The following PXT1 variants were observed in gnomAD, a reference collection of about 807,000 sequenced individuals.
PXT1 encodes peroxisomal testis-specific protein 1.
PXT1 carries 11 observed loss-of-function variants against 11.0 expected under a neutral mutation model. The ratio of observed to expected loss-of-function variants is 1.00; its 90% confidence interval spans 0.63 to 1.66. The LOEUF (loss-of-function observed/expected upper bound fraction) is 1.66, where lower values mean the gene tolerates loss of function less well. PXT1 is among the 40% of genes most tolerant of loss of function. The probability of loss-of-function intolerance (pLI) is 0.00; values close to 1 mark genes in which losing one functional copy is unlikely to be tolerated. For missense variants in PXT1, 141 were observed against 155.5 expected (o/e 0.91, Z 0.49); for synonymous variants, 43 against 51.4 (o/e 0.84, Z 0.70).
intron 2 of PXT1, among the ~76,000 whole-genome samples, chr6:36,430,156 G>A (rs1018607503): frequency 2.0e-5 from 3 of 151,690 alleles, no homozygotes; most frequent in African/African-American, 4.8e-5. Context: ...GCAGTGGGGT[G>A]AGATCGCACC....
intron 2 of PXT1, among the ~76,000 whole-genome samples, chr6:36,436,113 C>CAAAAAAAAAAAAAAAAAAAAAAAAAAGA (rs11294829): frequency 1.7e-5 from 1 of 60,094 alleles, no homozygotes; most frequent in African/African-American, 6.2e-5. Context: ...AAAAGTAAGC[C>CAAAAAAAAAAAAAAAAAAAAAAAAAAGA]AAAAAAAAAA....
chr6:36,408,735 A>G (rs1366029440), intron 3 of PXT1, among the ~76,000 whole-genome samples: 1 of 150,622 alleles, frequency 6.6e-6, no homozygotes, highest in Non-Finnish European at 1.5e-5. Context: ...AATTGTTTTA[A>G]TTAGCTGGGC....
intron 4 of PXT1, among the ~76,000 whole-genome samples, chr6:36,398,519 G>A (rs533718857): frequency 5.3e-5 from 8 of 152,216 alleles, no homozygotes; most frequent in East Asian, 1.9e-4. Flanking sequence ...GTGGTATATC[G>A]TACAATAGAA....
At chr6:36,406,013 C>T (rs566232516) in intron 3 of PXT1, among the ~76,000 whole-genome samples, 3 of 152,278 alleles carry the variant, frequency 2.0e-5, no homozygotes, top group Admixed American at 2.0e-4. Context: ...TTCTCAGAAC[C>T]TGTCCCCATC....
At chr6:36,420,293 AAC>A (rs1238123241) in intron 3 of PXT1, among the ~76,000 whole-genome samples, 2 of 152,362 alleles carry the variant, frequency 1.3e-5, no homozygotes, top group East Asian at 3.9e-4. Flanking sequence ...GTCAGTAGGG[AAC>A]AGTTTAAATA....
intron 3 of PXT1, 109 bp downstream of exon 3, chr6:36,425,805 A>AAACAAACAAAAAAAAATATAT (rs1554154141): frequency 3.1e-6 from 1 of 321,510 alleles, no homozygotes; most frequent in African/African-American, 2.3e-5. Context: ...AAAAACAAAA[A>AAACAAACAAAAAAAAATATAT]ATATATATAT....
chr6:36,394,186 C>T lies in PXT1; in HGVS notation c.301-2312G>A, dbSNP rs187569162. ...AAAGTATAGAACACTGAGTCAGATG[C>T]TCATATATTTAAATTCTAGTTTTGC... On this transcript the variant is annotated intron_variant, in intron 4 of 4. Coordinates refer to ENST00000454782, the MANE Select transcript of PXT1 (RefSeq NM_152990.4). Among the ~76,000 whole-genome samples the T allele has an allele frequency of 2.7e-3, 406 of 152,232 alleles. 2 individuals carry two copies. Among genetic ancestry groups the T allele is most frequent in the Admixed American group, 0.025 (379 of 15,288 alleles).
chr6:36,430,804 T>A (rs1028477042), intron 2 of PXT1, among the ~76,000 whole-genome samples: 6 of 152,202 alleles, frequency 3.9e-5, no homozygotes, highest in African/African-American at 7.2e-5. Flanking sequence ...AATTTTTTTT[T>A]AATTTTTTGA....
intron 3 of PXT1, among the ~76,000 whole-genome samples, chr6:36,405,377 GT>G (rs34977971): frequency 0.26 from 38,280 of 146,384 alleles, 4,813 homozygotes; most frequent in East Asian, 0.4. Context: ...AAGAAAAACT[GT>G]TTTTTTTTTT....
At chr6:36,429,507 T>TC (rs2127417478) in intron 2 of PXT1, among the ~76,000 whole-genome samples, 1 of 111,888 alleles carries the variant, frequency 8.9e-6, no homozygotes, top group East Asian at 3.0e-4. Flanking sequence ...TTTTTTCTTT[T>TC]CTTTTTTTTT....
intron 2 of PXT1, among the ~76,000 whole-genome samples, chr6:36,429,651 G>A (rs1038834565): frequency 1.3e-5 from 2 of 150,388 alleles, no homozygotes; most frequent in Non-Finnish European, 3.0e-5. Flanking sequence ...GATTACAGGT[G>A]CACACCACCA....
Position 36,398,823 on chromosome 6 carries a change from TG to T in PXT1, c.300+1630del, listed in dbSNP as rs1291880175. 4.5e-3 allele frequency among the ~76,000 whole-genome samples: 688 copies of T among 152,278 alleles called. 4 individuals carry two copies. Among genetic ancestry groups the T allele is most frequent in the African/African-American group, 0.015 (632 of 41,564 alleles). On this transcript the variant is annotated intron_variant, in intron 4 of 4. Coordinates refer to ENST00000454782, the MANE Select transcript of PXT1 (RefSeq NM_152990.4). The stretch of plus-strand genomic sequence containing the variant: ...ATCACCTTCCCAGAGATGCCTTCCC[TG>T]ACAGCCCATTGGAAGTCACTCTCCA...
intron 2 of PXT1, among the ~76,000 whole-genome samples, chr6:36,435,859 C>T (rs532059636): frequency 1.3e-5 from 2 of 152,136 alleles, no homozygotes; most frequent in South Asian, 2.1e-4. Context: ...CACTAACAAA[C>T]AAGTAAGACT....
intron 3 of PXT1, among the ~76,000 whole-genome samples, chr6:36,424,580 A>G (rs1774575472): frequency 6.6e-6 from 1 of 152,220 alleles, no homozygotes; most frequent in Non-Finnish European, 1.5e-5. Context: ...GCGGAGCTAC[A>G]GTGAGCCGAG....
intron 2 of PXT1, among the ~76,000 whole-genome samples, chr6:36,430,863 G>A (rs1443262392): frequency 1.3e-5 from 2 of 152,044 alleles, no homozygotes; most frequent in African/African-American, 4.8e-5. Flanking sequence ...GGCCCAAGCT[G>A]GAGTGCAGTG....
chr6:36,419,374 A>C (rs985704130), intron 3 of PXT1, among the ~76,000 whole-genome samples: 4 of 152,226 alleles, frequency 2.6e-5, no homozygotes, highest in African/African-American at 9.6e-5. Context: ...AAGTTGGGTA[A>C]GTTTCAATAA....
At chr6:36,436,862 A>G (rs1774770888) in intron 2 of PXT1, among the ~76,000 whole-genome samples, 1 of 152,228 alleles carries the variant, frequency 6.6e-6, no homozygotes, top group South Asian at 2.1e-4. Context: ...GCAAGGTTAC[A>G]ACAGTGAACA....
intron 3 of PXT1, among the ~76,000 whole-genome samples, chr6:36,421,943 T>G (rs763876522): frequency 2.0e-5 from 3 of 152,230 alleles, no homozygotes; most frequent in Non-Finnish European, 2.9e-5. Context: ...AGATGCCTTT[T>G]TTGAGTCTTC....
chr6:36,402,358 G>C (rs1293181580), intron 3 of PXT1, among the ~76,000 whole-genome samples: 1 of 152,154 alleles, frequency 6.6e-6, no homozygotes, highest in African/African-American at 2.4e-5. Flanking sequence ...GGCTAACATA[G>C]ACATAAGTAT....
Sources: gnomAD v4.1 joint callset for allele counts (sites outside exome capture counted in the v4.1 genomes callset) on GRCh38, gnomAD v4.1.1 for gene constraint, MANE v1.5 for transcripts, NCBI Gene and HGNC (gene_info 2026-07-23, HGNC 2026-07-21) for gene names.